The following IQCF2 variants were observed in gnomAD, a reference collection of about 807,000 sequenced individuals.
IQCF2 encodes IQ motif containing F2.
IQCF2 carries 6 observed loss-of-function variants against 7.0 expected under a neutral mutation model. The observed-to-expected ratio is 0.86, with a 90% CI of 0.47 to 1.70. The LOEUF (loss-of-function observed/expected upper bound fraction) is 1.70. IQCF2 is among the 40% of genes most tolerant of loss of function. The pLI is 0.01. For synonymous variants in IQCF2, 67 were observed against 74.0 expected, an observed-to-expected ratio of 0.91 and a Z score of 0.48; for missense variants, 174 against 204.6, an observed-to-expected ratio of 0.85 and a Z score of 0.91.
intron 2 of IQCF2, among the ~76,000 whole-genome samples, chr3:51,862,329 A>G (rs1698647354): frequency 6.6e-6 from 1 of 150,720 alleles, no homozygotes; most frequent in Non-Finnish European, 1.5e-5. Flanking sequence ...GGTGAACCCG[A>G]GAAGCGGAGC....
At chr3:51,861,991 T>G in intron 2 of IQCF2, 41 bp downstream of exon 2, 1 of 1,415,062 alleles carries the variant, frequency 7.1e-7, no homozygotes, top group South Asian at 1.2e-5. Context: ...TCCAGAACAT[T>G]TATAACTACA....
At position 51,861,901 on chromosome 3, in the gene IQCF2, A is replaced by C; in HGVS notation, c.62A>C (p.Glu21Ala). 6.2e-7 allele frequency: 1 copy of C among 1,614,152 alleles called. No individual in the cohort carries two copies. The highest frequency in any genetic ancestry group is 1.1e-5 in the South Asian group (1 of 91,074). The stretch of plus-strand genomic sequence containing the variant: ...TTGGTTATAATTGAGGATGTTGAAG[A>C]AAGCATTGAATGGAAGACATTGCAG... Reference protein sequence around the residue: ...LILVIIEDVEESIEWKTLQKK... With the variant: ...LILVIIEDVEASIEWKTLQKK... The change falls in exon 2 of 3, where the codon GAA (glutamate) becomes GCA (alanine). Residue 21 changes from glutamate (E) to alanine (A), a missense_variant. By Grantham distance (107) the Glu-to-Ala change is moderately radical (BLOSUM62 -1). Transcript: ENST00000333127.
At chr3:51,862,360 G>A (rs1392186629) in intron 2 of IQCF2, among the ~76,000 whole-genome samples, 1 of 128,414 alleles carries the variant, frequency 7.8e-6, no homozygotes, top group Non-Finnish European at 1.5e-5. Flanking sequence ...CCAAGATCAC[G>A]CCACTGCACT....
rs771713668 is a variant in IQCF2 at position 51,863,104 on chromosome 3, T to A, written c.229T>A (p.Trp77Arg). The A allele has an allele frequency of 8.7e-6, 14 of 1,614,142 alleles. No homozygotes were observed. Among genetic ancestry groups the A allele is most frequent in the Non-Finnish European group, 1.1e-5 (13 of 1,180,062 alleles). ...CAGGGCCTGGATAATTCAGTGCTGG[T>A]GGCGGATGACGCTGTCGAGGGTGCT... is the stretch of plus-strand genomic sequence containing the variant. ...ALRAWIIQCWWRMTLSRVLEK... is the reference protein window; with the variant it reads ...ALRAWIIQCWRRMTLSRVLEK... Residue 77 changes from tryptophan (W) to arginine (R), a missense_variant, in exon 3 of 3, where the codon TGG becomes AGG. Trp to Arg is a moderately radical substitution (Grantham distance 101). Coordinates refer to ENST00000333127, the MANE Select transcript of IQCF2 (RefSeq NM_203424.2).
At position 51,863,133 on chromosome 3, in the gene IQCF2, G is replaced by GA; in HGVS notation, c.260dup (p.Lys88GlufsTer73). ...GGATGACGCTGTCGAGGGTGCTGGA[G>GA]AAGAAACGGCAGGCAGCTCTGATCG... On this transcript the variant is annotated frameshift_variant, in exon 3 of 3. Transcript: ENST00000333127. LOFTEE classifies it low-confidence loss of function (END_TRUNC). 3.7e-6 allele frequency: 6 copies of GA among 1,614,252 alleles called. No individual in the cohort carries two copies. The highest frequency in any genetic ancestry group is 5.1e-6 in the Non-Finnish European group (6 of 1,180,044).
In IQCF2 at chr3:51,863,202, G is replaced by T. The variant is rs762998482; in HGVS notation, c.327G>T (p.Leu109Phe). 19 of 1,614,100 alleles carry T rather than the reference G, an allele frequency of 1.2e-5. No homozygotes were observed. The highest frequency in any genetic ancestry group is 2.7e-5 in the African/African-American group (2 of 74,930). The change falls in exon 3 of 3, where the codon TTG becomes TTT. Residue 109 changes from leucine to phenylalanine, a missense_variant. Transcript: ENST00000333127. ...GGGCAGTGATCAAGCTCCAGTCTTTGGTCCGTATGTGGCGTGTCCGCTGGC... is the reference window on the plus strand; with the variant it reads ...GGGCAGTGATCAAGCTCCAGTCTTTTGTCCGTATGTGGCGTGTCCGCTGGC... The part of the protein sequence containing the change: ...RERAVIKLQS[L>F]VRMWRVRWRY...
intron 2 of IQCF2, among the ~76,000 whole-genome samples, chr3:51,862,517 G>C (rs574403186): frequency 6.6e-6 from 1 of 152,052 alleles, no homozygotes; most frequent in Admixed American, 6.6e-5. Context: ...GAAAGACTTG[G>C]AGTAGAATAT....
chr3:51,862,356 T>C (rs1698647687), intron 2 of IQCF2, among the ~76,000 whole-genome samples: 1 of 125,470 alleles, frequency 8.0e-6, no homozygotes, highest in Non-Finnish European at 1.6e-5. Flanking sequence ...TGAGCCAAGA[T>C]CACGCCACTG....
chr3:51,862,632 CAGA>C (rs1030781482), intron 2 of IQCF2, among the ~76,000 whole-genome samples: 2 of 152,150 alleles, frequency 1.3e-5, no homozygotes, highest in Non-Finnish European at 1.5e-5. Flanking sequence ...AATTACCAGG[CAGA>C]AGGTTATGAG....
Position 51,863,062 on chromosome 3 carries a change from C to T in IQCF2, c.187C>T (p.Leu63=). The change falls in exon 3 of 3, where the codon CTG becomes TTG. Residue 63 remains leucine, a synonymous_variant. Transcript: ENST00000333127. ...GCGGGGCACCCTGGTGCGCAGGACA[C>T]TGCTGCATGCAGCCCTCAGGGCCTG... ...WWRGTLVRRT[L]LHAALRAWII... The T allele has an allele frequency of 1.2e-6, 2 of 1,614,250 alleles. No homozygotes were observed. Among genetic ancestry groups the T allele is most frequent in the Non-Finnish European group, 1.7e-6 (2 of 1,180,046 alleles).
chr3:51,861,903 A>G lies in IQCF2; in HGVS notation c.64A>G (p.Ser22Gly). 1 of 1,614,172 alleles carries G rather than the reference A, an allele frequency of 6.2e-7. No homozygotes were observed. Among genetic ancestry groups the G allele is most frequent in the Non-Finnish European group, 8.5e-7 (1 of 1,179,998 alleles). Reference sequence around the variant, plus strand: ...GGTTATAATTGAGGATGTTGAAGAAAGCATTGAATGGAAGACATTGCAGAA... The same window carrying G: ...GGTTATAATTGAGGATGTTGAAGAAGGCATTGAATGGAAGACATTGCAGAA... ...ILVIIEDVEE[S>G]IEWKTLQKKK... Residue 22 changes from serine to glycine, a missense_variant, in exon 2 of 3, where the codon AGC becomes GGC. Transcript: ENST00000333127.
Position 51,861,963 on chromosome 3 carries a change from C to T in IQCF2, c.111+13C>T. 7.0e-6 allele frequency: 11 copies of T among 1,579,662 alleles called. No homozygotes were observed. The highest frequency in any genetic ancestry group is 9.6e-6 in the Non-Finnish European group (11 of 1,148,986). On this transcript the variant is annotated intron_variant, in intron 2 of 2. Coordinates refer to ENST00000333127, the MANE Select transcript of IQCF2 (RefSeq NM_203424.2). ...GCAGAAAATCAAGGTGAGAAGAATT[C>T]CATGTACTTAAGAGAAATCCAGAAC...
At chr3:51,862,661 G>C (rs1434621284) in intron 2 of IQCF2, among the ~76,000 whole-genome samples, 1 of 152,236 alleles carries the variant, frequency 6.6e-6, no homozygotes, top group Admixed American at 6.5e-5. Flanking sequence ...TCCAAACCCA[G>C]TGAGCACCAA....
Position 51,861,888 on chromosome 3 carries a change from G to A in IQCF2, c.49G>A (p.Glu17Lys), listed in dbSNP as rs753931209. 1.9e-6 allele frequency: 3 copies of A among 1,613,884 alleles called. No homozygotes were observed. The African/African-American group carries it at 4.0e-5, about 22-fold the overall frequency. Reference protein sequence around the residue: ...TKGNLILVIIEDVEESIEWKT... With the variant: ...TKGNLILVIIKDVEESIEWKT... ...AGGCAATTTAATTTTGGTTATAATTGAGGATGTTGAAGAAAGCATTGAATG... is the reference window on the plus strand; with the variant it reads ...AGGCAATTTAATTTTGGTTATAATTAAGGATGTTGAAGAAAGCATTGAATG... The change falls in exon 2 of 3, where the codon GAG becomes AAG. Residue 17 changes from glutamate (E) to lysine (K), a missense_variant. Transcript: ENST00000333127.
intron 2 of IQCF2, among the ~76,000 whole-genome samples, chr3:51,862,170 C>T (rs566447744): frequency 2.6e-4 from 39 of 152,022 alleles, no homozygotes; most frequent in Non-Finnish European, 4.3e-4. Flanking sequence ...GAGGCCGAGA[C>T]AGGCAGATCA....
At chr3:51,861,730 G>A (rs748416308) in intron 1 of IQCF2, 46 bp downstream of exon 1, 13 of 1,609,942 alleles carry the variant, frequency 8.1e-6, no homozygotes, top group Non-Finnish European at 1.1e-5. Context: ...GAATGGGTGG[G>A]TATCTCCCTG....
At position 51,863,166 on chromosome 3, in the gene IQCF2, A is replaced by C. The variant is rs777461673; in HGVS notation, c.291A>C (p.Ala97=). The part of the protein sequence containing the change: ...KKRQAALIAY[A]TRERAVIKLQ... ...GGCAGGCAGCTCTGATCGCCTACGC[A>C]ACCAGAGAGAGGGCAGTGATCAAGC... is the stretch of plus-strand genomic sequence containing the variant. Residue 97 remains alanine (A), a synonymous_variant, in exon 3 of 3, where the codon GCA becomes GCC. Coordinates refer to ENST00000333127, the MANE Select transcript of IQCF2 (RefSeq NM_203424.2). 9 of 1,614,188 alleles carry C rather than the reference A, an allele frequency of 5.6e-6. No homozygotes were observed. The highest frequency in any genetic ancestry group is 6.8e-6 in the Non-Finnish European group (8 of 1,180,022).
intron 2 of IQCF2, 68 bp downstream of exon 2, chr3:51,862,018 T>G: frequency 8.5e-7 from 1 of 1,172,598 alleles, no homozygotes; most frequent in African/African-American, 1.5e-5. Flanking sequence ...GGTGTAGGAC[T>G]TTGCCTCTTA....
chr3:51,862,439 G>T lies in IQCF2; in HGVS notation c.111+489G>T, dbSNP rs576157030. ...AAAAAAAAAGAATGAAAGCCATCAAGAAATGCATAAGGCTGAGAGGTGAGA... is the reference window on the plus strand; with the variant it reads ...AAAAAAAAAGAATGAAAGCCATCAATAAATGCATAAGGCTGAGAGGTGAGA... On this transcript the variant is annotated intron_variant, in intron 2 of 2. Coordinates refer to ENST00000333127, the MANE Select transcript of IQCF2 (RefSeq NM_203424.2). 1.0e-4 allele frequency among the ~76,000 whole-genome samples: 15 copies of T among 143,100 alleles called. 1 individual carries two copies. The South Asian group carries it at 3.4e-3, about 33-fold the overall frequency. The allele number at this position is 143,100 out of a possible 152,430, so 93.9% of individuals were successfully genotyped here.
Sources: allele counts gnomAD v4.1 joint callset (sites outside exome capture counted in the v4.1 genomes callset), GRCh38; gene constraint gnomAD v4.1.1; transcripts MANE v1.5; gene names NCBI Gene and HGNC (gene_info 2026-07-23, HGNC 2026-07-21).